Variants in ZNF385D observed in about 807,000 individuals in gnomAD.
ZNF385D encodes zinc finger protein 659.
Under a neutral mutation model 35.8 loss-of-function variants are expected in ZNF385D, and 15 were observed. The ratio of observed to expected loss-of-function variants is 0.42; its 90% confidence interval spans 0.28 to 0.64. The LOEUF (loss-of-function observed/expected upper bound fraction) is 0.64. ZNF385D is among the 30% of genes least tolerant of loss of function. ZNF385D has a pLI of 0.23. For synonymous variants in ZNF385D, 212 were observed against 186.8 expected (o/e 1.13, Z -1.10); for missense variants, 474 against 494.6 (o/e 0.96, Z 0.39).
intron 3 of ZNF385D, among the ~76,000 whole-genome samples, chr3:21,773,359 T>C (rs1054859698): frequency 6.6e-6 from 1 of 151,770 alleles, no homozygotes; most frequent in Admixed American, 6.6e-5. Context: ...TCTTTGCCCA[T>C]GAAAGATTTT....
At chr3:21,439,405 T>C (rs1559448627) in intron 4 of ZNF385D, among the ~76,000 whole-genome samples, 1 of 151,908 alleles carries the variant, frequency 6.6e-6, no homozygotes, top group Non-Finnish European at 1.5e-5. Context: ...AAATTGTTCT[T>C]AGGATCAGCT....
intron 4 of ZNF385D, among the ~76,000 whole-genome samples, chr3:21,481,113 G>T (rs543787725): frequency 1.2e-3 from 179 of 152,274 alleles, no homozygotes; most frequent in Non-Finnish European, 2.3e-3. Context: ...TAGTGACTGA[G>T]ATCACCTACA....
intron 1 of ZNF385D, among the ~76,000 whole-genome samples, chr3:21,720,020 T>G (rs892193827): frequency 2.6e-5 from 4 of 152,178 alleles, no homozygotes; most frequent in African/African-American, 9.7e-5. Flanking sequence ...GAATAGTGGT[T>G]GTGAAACTTA....
intron 3 of ZNF385D, among the ~76,000 whole-genome samples, chr3:21,759,695 A>G (rs1008257141): frequency 6.6e-6 from 1 of 152,166 alleles, no homozygotes; most frequent in Admixed American, 6.5e-5. Flanking sequence ...TTTCAGAATC[A>G]GCCCTCCCAG....
In ZNF385D at chr3:22,348,211, C is replaced by T. The variant is rs974312209; in HGVS notation, c.106+24239G>A. ...AGGCATTGTTATGAGCTGACTTATGCACCCCTCCAAAAAAAATTCTATTTT... is the reference window on the plus strand; with the variant it reads ...AGGCATTGTTATGAGCTGACTTATGTACCCCTCCAAAAAAAATTCTATTTT... On this transcript the variant is annotated intron_variant, in intron 2 of 5. Transcript: ENST00000494108. 3.3e-5 allele frequency among the ~76,000 whole-genome samples: 5 copies of T among 152,008 alleles called. No homozygotes were observed. In the South Asian group the frequency reaches 1.0e-3, roughly 32 times the overall value.
chr3:22,300,366 A>C (rs574818194), intron 2 of ZNF385D, among the ~76,000 whole-genome samples: 36 of 147,282 alleles, frequency 2.4e-4, no homozygotes, highest in Non-Finnish European at 5.1e-4. Context: ...CAATTTCCTG[A>C]CATTGATTGG....
chr3:21,633,661 G>T (rs914562428), intron 2 of ZNF385D, among the ~76,000 whole-genome samples: 1 of 151,960 alleles, frequency 6.6e-6, no homozygotes, highest in Non-Finnish European at 1.5e-5. Flanking sequence ...AGTTATTTAG[G>T]CAATCAATAA....
intron 2 of ZNF385D, among the ~76,000 whole-genome samples, chr3:22,185,011 A>T (rs1207984516): frequency 6.6e-6 from 1 of 152,086 alleles, no homozygotes; most frequent in Non-Finnish European, 1.5e-5. Flanking sequence ...AATAAACATG[A>T]GTTTTCTCCC....
intron 3 of ZNF385D, among the ~76,000 whole-genome samples, chr3:21,527,619 C>T (rs997399293): frequency 4.6e-5 from 7 of 152,112 alleles, no homozygotes; most frequent in African/African-American, 1.7e-4. Context: ...CTTTCCTCCA[C>T]AGATTAGTAT....
At chr3:22,075,413 T>C (rs1181991702) in intron 3 of ZNF385D, among the ~76,000 whole-genome samples, 1 of 151,896 alleles carries the variant, frequency 6.6e-6, no homozygotes, top group South Asian at 2.1e-4. Context: ...CCATTGAAAA[T>C]GCTCCTGCAA....
At chr3:21,922,025 C>G (rs1377078820) in intron 3 of ZNF385D, among the ~76,000 whole-genome samples, 1 of 152,050 alleles carries the variant, frequency 6.6e-6, no homozygotes, top group Admixed American at 6.6e-5. Context: ...ATAACAAAAC[C>G]TGCCAAAGAC....
At chr3:21,444,932 C>T (rs1702068786) in intron 4 of ZNF385D, among the ~76,000 whole-genome samples, 1 of 152,164 alleles carries the variant, frequency 6.6e-6, no homozygotes, top group Admixed American at 6.5e-5. Flanking sequence ...CCAGGTCACA[C>T]ACCTTGACTT....
chr3:21,519,849 A>C (rs1282963846), intron 3 of ZNF385D, among the ~76,000 whole-genome samples: 1 of 152,204 alleles, frequency 6.6e-6, no homozygotes, highest in African/African-American at 2.4e-5. Flanking sequence ...TGTGACACAC[A>C]CCATTTGAAT....
chr3:21,574,205 C>T (rs2063424664), intron 2 of ZNF385D, among the ~76,000 whole-genome samples: 2 of 152,024 alleles, frequency 1.3e-5, no homozygotes, highest in Non-Finnish European at 2.9e-5. Context: ...ATGAGGAAGT[C>T]TTGACAAAAA....
At chr3:21,860,375 A>T (rs9843487) in intron 3 of ZNF385D, among the ~76,000 whole-genome samples, 3,128 of 152,232 alleles carry the variant, frequency 0.021, 119 homozygotes, top group African/African-American at 0.07. Context: ...GGTCTCAGGC[A>T]GTAGTTTGAC....
chr3:22,364,378 A>C (rs2125517469), intron 2 of ZNF385D, among the ~76,000 whole-genome samples: 2 of 152,242 alleles, frequency 1.3e-5, no homozygotes, highest in Middle Eastern at 6.8e-3. Flanking sequence ...ATTAATATCT[A>C]GAATATACAT....
intron 3 of ZNF385D, among the ~76,000 whole-genome samples, chr3:21,902,247 G>C (rs1465286241): frequency 6.6e-6 from 1 of 151,982 alleles, no homozygotes; most frequent in Non-Finnish European, 1.5e-5. Flanking sequence ...TGGTCTCAAG[G>C]GCTCATAAAG....
At chr3:21,463,158 T>C (rs1703287016) in intron 4 of ZNF385D, among the ~76,000 whole-genome samples, 1 of 152,088 alleles carries the variant, frequency 6.6e-6, no homozygotes, top group Admixed American at 6.5e-5. Context: ...TGTAGTAATT[T>C]AAAAGTTGTA....
intron 1 of ZNF385D, among the ~76,000 whole-genome samples, chr3:21,669,523 G>C (rs1161880305): frequency 6.6e-6 from 1 of 152,200 alleles, no homozygotes. Context: ...GACTGAGAAA[G>C]TAAGACACAT....
Sources: gnomAD v4.1 joint callset for allele counts (sites outside exome capture counted in the v4.1 genomes callset) on GRCh38, gnomAD v4.1.1 for gene constraint, MANE v1.5 for transcripts, NCBI Gene and HGNC (gene_info 2026-07-23, HGNC 2026-07-21) for gene names.